CTNNA2: variants seen among roughly 807,000 people sequenced by gnomAD.
The protein encoded by CTNNA2 is catenin alpha 2, also known as catenin alpha-2.
CTNNA2 carries 42 observed loss-of-function variants against 101.0 expected under a neutral mutation model. That is an observed-to-expected ratio of 0.42 (90% CI 0.32 to 0.54). CTNNA2 has a LOEUF of 0.54. Among genes scored for constraint, CTNNA2 ranks in the 20% least tolerant of loss-of-function variants. The probability of loss-of-function intolerance (pLI) is 0.14; values close to 1 mark genes in which losing one functional copy is unlikely to be tolerated. For missense variants in CTNNA2, 871 were observed against 1,223.1 expected (o/e 0.71, Z 4.29); for synonymous variants, 450 against 456.4 (o/e 0.99, Z 0.18).
At chr2:79,723,945 C>CTACT (rs1686649353) in intron 2 of CTNNA2, among the ~76,000 whole-genome samples, 4 of 152,188 alleles carry the variant, frequency 2.6e-5, no homozygotes, top group African/African-American at 4.8e-5. Context: ...GATCCCTCAG[C>CTACT]TACTGCCTTG....
At chr2:80,219,588 C>A (rs1209582136) in intron 7 of CTNNA2, among the ~76,000 whole-genome samples, 1 of 152,286 alleles carries the variant, frequency 6.6e-6, no homozygotes, top group South Asian at 2.1e-4. Context: ...TCGACCCATT[C>A]ACCTATCTTC....
chr2:79,472,430 A>G (rs149713711), intron 4 of CTNNA2, among the ~76,000 whole-genome samples: 6 of 152,268 alleles, frequency 3.9e-5, no homozygotes, highest in African/African-American at 9.6e-5. Context: ...ACCTTTCAAA[A>G]CCAAGGAAGT....
intron 7 of CTNNA2, among the ~76,000 whole-genome samples, chr2:80,015,970 C>CT (rs1051634089): frequency 6.6e-6 from 1 of 152,170 alleles, no homozygotes; most frequent in African/African-American, 2.4e-5. Context: ...ACAGCCGTGA[C>CT]TTTAAGAAAA....
intron 7 of CTNNA2, among the ~76,000 whole-genome samples, chr2:79,922,112 C>T (rs1476034726): frequency 6.6e-6 from 1 of 152,124 alleles, no homozygotes; most frequent in East Asian, 1.9e-4. Flanking sequence ...CATACATTTC[C>T]TTTTTCCGTT....
intron 7 of CTNNA2, among the ~76,000 whole-genome samples, chr2:79,993,254 G>C (rs1203060501): frequency 1.3e-5 from 2 of 152,150 alleles, no homozygotes. Context: ...TGGTTAAACT[G>C]TCTTTAAACC....
At chr2:80,270,990 A>G (rs1164985564) in intron 7 of CTNNA2, among the ~76,000 whole-genome samples, 1 of 152,142 alleles carries the variant, frequency 6.6e-6, no homozygotes, top group African/African-American at 2.4e-5. Flanking sequence ...GTTATCTTTG[A>G]TCATATAAGG....
intron 7 of CTNNA2, among the ~76,000 whole-genome samples, chr2:80,370,570 A>T (rs1675350624): frequency 6.6e-6 from 1 of 152,154 alleles, no homozygotes; most frequent in Non-Finnish European, 1.5e-5. Context: ...ACTATCGAGG[A>T]GAAAAAAACT....
intron 18 of CTNNA2, among the ~76,000 whole-genome samples, chr2:80,630,200 G>T (rs2149827881): frequency 6.6e-6 from 1 of 152,234 alleles, no homozygotes; most frequent in South Asian, 2.1e-4. Flanking sequence ...TGAAAATATT[G>T]TCTGAAATAA....
chr2:79,931,188 G>A (rs1687416024), intron 7 of CTNNA2, among the ~76,000 whole-genome samples: 1 of 152,136 alleles, frequency 6.6e-6, no homozygotes, highest in East Asian at 1.9e-4. Context: ...GTGTTAACTA[G>A]TGGTTAAAAG....
chr2:79,774,945 C>A (rs555053950), intron 3 of CTNNA2, among the ~76,000 whole-genome samples: 1 of 152,124 alleles, frequency 6.6e-6, no homozygotes. Flanking sequence ...GCGTCAGTAA[C>A]ATTAGGGGTC....
chr2:79,975,468 C>T (rs778246023), intron 7 of CTNNA2, among the ~76,000 whole-genome samples: 1 of 152,106 alleles, frequency 6.6e-6, no homozygotes, highest in East Asian at 1.9e-4. Flanking sequence ...GTGTCCTCTA[C>T]GTCAATTCGG....
chr2:79,917,702 T>A (rs2916518), intron 7 of CTNNA2, among the ~76,000 whole-genome samples: 91,738 of 151,992 alleles, frequency 0.6, 28,043 homozygotes, highest in East Asian at 0.78. Flanking sequence ...AGAGAGCCAA[T>A]GGATGTTGTG....
At chr2:79,577,187 T>C (rs183244083) in intron 1 of CTNNA2, among the ~76,000 whole-genome samples, 1 of 152,230 alleles carries the variant, frequency 6.6e-6, no homozygotes, top group East Asian at 1.9e-4. Flanking sequence ...AAATATATAT[T>C]CCTGGTATGA....
intron 7 of CTNNA2, among the ~76,000 whole-genome samples, chr2:80,356,230 G>T (rs1286174642): frequency 6.6e-6 from 1 of 152,150 alleles, no homozygotes; most frequent in African/African-American, 2.4e-5. Context: ...CAAAAACCAG[G>T]TAAGTGGATT....
intron 4 of CTNNA2, among the ~76,000 whole-genome samples, chr2:79,457,703 A>G (rs1474704805): frequency 6.6e-6 from 1 of 152,200 alleles, no homozygotes; most frequent in East Asian, 1.9e-4. Flanking sequence ...AGGGAAAAAA[A>G]GAGACAGTGC....
intron 7 of CTNNA2, among the ~76,000 whole-genome samples, chr2:80,153,064 C>T (rs1051021308): frequency 6.6e-5 from 10 of 152,164 alleles, no homozygotes; most frequent in African/African-American, 2.4e-4. Context: ...CGCAGAACAC[C>T]GTGGTGAAAT....
chr2:80,360,842 T>C (rs1674332926), intron 7 of CTNNA2, among the ~76,000 whole-genome samples: 1 of 152,180 alleles, frequency 6.6e-6, no homozygotes, highest in Admixed American at 6.6e-5. Context: ...AACCTGGAGT[T>C]TGTCGCTCTA....
intron 7 of CTNNA2, among the ~76,000 whole-genome samples, chr2:79,920,989 G>A (rs1686613904): frequency 6.6e-6 from 1 of 152,164 alleles, no homozygotes; most frequent in African/African-American, 2.4e-5. Context: ...TCTGCAGGCT[G>A]GACTGGGGAC....
At chr2:79,602,723 G>T (rs1677626788) in intron 1 of CTNNA2, among the ~76,000 whole-genome samples, 1 of 152,030 alleles carries the variant, frequency 6.6e-6, no homozygotes, top group African/African-American at 2.4e-5. Context: ...AAGAATCAAA[G>T]ACTGTAAACC....
Sources: gnomAD v4.1 joint callset for allele counts (sites outside exome capture counted in the v4.1 genomes callset) on GRCh38, gnomAD v4.1.1 for gene constraint, MANE v1.5 for transcripts, NCBI Gene and HGNC (gene_info 2026-07-23, HGNC 2026-07-21) for gene names.